NELL1: variants seen among roughly 807,000 people sequenced by gnomAD.
The protein encoded by NELL1 is neural EGFL like 1.
Under a neutral mutation model 107.4 loss-of-function variants are expected in NELL1, and 76 were observed. The ratio of observed to expected loss-of-function variants is 0.71; its 90% CI spans 0.59 to 0.86. The LOEUF is 0.86. Ranked by LOEUF, NELL1 falls within the 40% of genes least tolerant of loss-of-function variation. NELL1 has a pLI of 0.00. For missense variants in NELL1, 1,024 were observed against 1,005.5 expected (o/e 1.02, Z -0.25); for synonymous variants, 353 against 341.2 (o/e 1.03, Z -0.38).
intron 5 of NELL1, among the ~76,000 whole-genome samples, chr11:20,895,921 C>A (rs1849727100): frequency 6.6e-6 from 1 of 152,092 alleles, no homozygotes; most frequent in African/African-American, 2.4e-5. Flanking sequence ...AATAGTATTT[C>A]ATTGTGTATA....
intron 12 of NELL1, among the ~76,000 whole-genome samples, chr11:21,013,575 CCT>C (rs1852498629): frequency 1.3e-5 from 2 of 152,044 alleles, no homozygotes; most frequent in African/African-American, 4.8e-5. Context: ...ATGTATTTCC[CCT>C]CTTTCTCTCT....
At chr11:21,328,656 C>T (rs1226834604) in intron 14 of NELL1, among the ~76,000 whole-genome samples, 2 of 152,168 alleles carry the variant, frequency 1.3e-5, no homozygotes, top group African/African-American at 2.4e-5. Flanking sequence ...ACACTCAACA[C>T]CAGCTCATGA....
intron 2 of NELL1, among the ~76,000 whole-genome samples, chr11:20,747,481 A>G (rs1590255896): frequency 1.3e-5 from 2 of 152,254 alleles, no homozygotes; most frequent in African/African-American, 2.4e-5. Flanking sequence ...TTATAACAGA[A>G]TTTCTGAAAC....
chr11:21,285,966 AG>A (rs140934761), intron 14 of NELL1, among the ~76,000 whole-genome samples: 3,198 of 152,328 alleles, frequency 0.021, 40 homozygotes, highest in Non-Finnish European at 0.031. Flanking sequence ...AAAAACTTAC[AG>A]TAGTTTTATC....
chr11:21,524,793 G>A (rs1371679533), intron 15 of NELL1, among the ~76,000 whole-genome samples: 1 of 152,138 alleles, frequency 6.6e-6, no homozygotes, highest in Non-Finnish European at 1.5e-5. Context: ...CAGTCTTGGA[G>A]TGAATAAGAT....
At chr11:21,405,177 T>G (rs1852204243) in intron 15 of NELL1, among the ~76,000 whole-genome samples, 1 of 139,008 alleles carries the variant, frequency 7.2e-6, no homozygotes, top group Non-Finnish European at 1.5e-5. Context: ...TTCAATCACA[T>G]AAGCCACTTT....
At chr11:21,044,916 C>G (rs1486292534) in intron 12 of NELL1, among the ~76,000 whole-genome samples, 1 of 152,096 alleles carries the variant, frequency 6.6e-6, no homozygotes, top group East Asian at 1.9e-4. Flanking sequence ...TAATGTCCCT[C>G]TGACACTCTA....
chr11:21,374,400 G>T (rs1270820420), intron 15 of NELL1, among the ~76,000 whole-genome samples: 7 of 151,954 alleles, frequency 4.6e-5, no homozygotes, highest in African/African-American at 9.7e-5. Flanking sequence ...CATTTTGTGG[G>T]CCTCTCCACA....
intron 7 of NELL1, 95 bp downstream of exon 7, chr11:20,919,429 C>T (rs542504974): frequency 1.9e-5 from 14 of 737,160 alleles, no homozygotes; most frequent in Admixed American, 1.8e-4. Flanking sequence ...TTTTTAGCCT[C>T]GGCATCTGCT....
intron 14 of NELL1, among the ~76,000 whole-genome samples, chr11:21,281,300 G>T (rs1260836937): frequency 6.6e-6 from 1 of 152,048 alleles, no homozygotes; most frequent in Non-Finnish European, 1.5e-5. Context: ...AATAGTGGCT[G>T]TGAGGTGAGG....
chr11:20,681,057 T>A (rs933122538), intron 2 of NELL1, among the ~76,000 whole-genome samples: 3 of 152,138 alleles, frequency 2.0e-5, no homozygotes, highest in African/African-American at 4.8e-5. Flanking sequence ...TTGAATATTT[T>A]GATCTTTTGA....
At position 20,921,573 on chromosome 11, in the gene NELL1, T is replaced by A. The variant is rs185803338; in HGVS notation, c.759+2239T>A. 2.0e-5 allele frequency among the ~76,000 whole-genome samples: 3 copies of A among 152,208 alleles called. No individual in the cohort carries two copies. In the East Asian group the frequency reaches 5.8e-4, roughly 29 times the overall value. ...AGCTATAAATAGGGAGTAATATTACTCTTTCTAACCCTCACCATCCACTGG... is the reference window on the plus strand; with the variant it reads ...AGCTATAAATAGGGAGTAATATTACACTTTCTAACCCTCACCATCCACTGG... On this transcript the variant is annotated intron_variant, in intron 7 of 19. Transcript: ENST00000357134.
intron 10 of NELL1, among the ~76,000 whole-genome samples, chr11:20,938,678 G>A (rs560888220): frequency 6.6e-6 from 1 of 151,488 alleles, no homozygotes; most frequent in East Asian, 1.9e-4. Flanking sequence ...TGAGGGAGAA[G>A]GCACGTTCCA....
At chr11:20,891,930 C>T (rs1849624998) in intron 5 of NELL1, among the ~76,000 whole-genome samples, 1 of 152,030 alleles carries the variant, frequency 6.6e-6, no homozygotes, top group African/African-American at 2.4e-5. Flanking sequence ...ACTTTAACAC[C>T]CCACTGTCAA....
intron 4 of NELL1, among the ~76,000 whole-genome samples, chr11:20,874,718 C>T (rs1849270501): frequency 6.6e-6 from 1 of 151,894 alleles, no homozygotes; most frequent in Non-Finnish European, 1.5e-5. Context: ...CCAGGAGTGC[C>T]CCTTCCCTCT....
At position 21,114,193 on chromosome 11, in the gene NELL1, T is replaced by C. The variant is rs1855177004; in HGVS notation, c.1426+479T>C. Among the ~76,000 whole-genome samples, 3 of 151,990 alleles carry C rather than the reference T, an allele frequency of 2.0e-5. No individual in the cohort carries two copies. In the South Asian group the frequency reaches 6.2e-4, roughly 31 times the overall value. On this transcript the variant is annotated intron_variant, in intron 13 of 19. Transcript: ENST00000357134. ...GAAACTGTATTTAATTAATATATGC[T>C]TGTTGTCTGTGTCCCACCTCTTTCT... is the stretch of plus-strand genomic sequence containing the variant.
chr11:21,229,230 G>A, intron 13 of NELL1, 102 bp from the exon 14 acceptor site: 1 of 1,337,468 alleles, frequency 7.5e-7, no homozygotes, highest in African/African-American at 1.4e-5. Context: ...ACAAGTGGTA[G>A]TCACTGTCAT....
At chr11:20,889,290 G>C (rs1849570046) in intron 5 of NELL1, among the ~76,000 whole-genome samples, 1 of 152,108 alleles carries the variant, frequency 6.6e-6, no homozygotes, top group African/African-American at 2.4e-5. Context: ...CTGAACAGCT[G>C]GTTTTTAAAC....
At chr11:20,888,900 A>C (rs1849562764) in intron 5 of NELL1, among the ~76,000 whole-genome samples, 1 of 152,188 alleles carries the variant, frequency 6.6e-6, no homozygotes, top group Non-Finnish European at 1.5e-5. Context: ...AGCTCAGCTT[A>C]TTTACATGTC....
Sources: allele counts gnomAD v4.1 joint callset (sites outside exome capture counted in the v4.1 genomes callset), GRCh38; gene constraint gnomAD v4.1.1; transcripts MANE v1.5; gene names NCBI Gene and HGNC (gene_info 2026-07-23, HGNC 2026-07-21).